The following CNTNAP4 variants were observed in gnomAD, a reference collection of about 807,000 sequenced individuals.
The protein encoded by CNTNAP4 is contactin associated protein family member 4.
In CNTNAP4, 98 loss-of-function variants were observed where a neutral mutation model predicts 148.4. That is an observed-to-expected ratio of 0.66 (90% CI 0.56 to 0.78). CNTNAP4 has a LOEUF of 0.78. Ranked by LOEUF, CNTNAP4 falls within the 30% of genes least tolerant of loss-of-function variation. CNTNAP4 has a pLI of 0.00. For synonymous variants in CNTNAP4, 730 were observed against 565.1 expected (o/e 1.29, Z -4.14); for missense variants, 1,935 against 1,565.6 (o/e 1.24, Z -3.98).
chr16:76,381,126 A>C (rs1393294340), intron 3 of CNTNAP4, among the ~76,000 whole-genome samples: 1 of 152,182 alleles, frequency 6.6e-6, no homozygotes, highest in African/African-American at 2.4e-5. Context: ...CTTTCACACT[A>C]TCTTCCTCTA....
At chr16:76,310,181 T>G (rs1960948392) in intron 1 of CNTNAP4, among the ~76,000 whole-genome samples, 2 of 152,062 alleles carry the variant, frequency 1.3e-5, no homozygotes, top group Non-Finnish European at 2.9e-5. Context: ...CAGAGGTACA[T>G]CAGGTACTGG....
intron 10 of CNTNAP4, among the ~76,000 whole-genome samples, chr16:76,469,944 C>G (rs148387273): frequency 4.1e-4 from 63 of 152,136 alleles, no homozygotes; most frequent in African/African-American, 1.5e-3. Flanking sequence ...ATATACTATA[C>G]CTACTGACAT....
intron 2 of CNTNAP4, among the ~76,000 whole-genome samples, chr16:76,335,342 A>G (rs981957852): frequency 6.6e-6 from 1 of 152,176 alleles, no homozygotes; most frequent in Admixed American, 6.5e-5. Flanking sequence ...CACCTAGCTC[A>G]GACAGGCATG....
intron 3 of CNTNAP4, among the ~76,000 whole-genome samples, chr16:76,369,669 C>T (rs1318978165): frequency 1.3e-5 from 2 of 152,188 alleles, no homozygotes; most frequent in Non-Finnish European, 1.5e-5. Flanking sequence ...TAGTGAAACT[C>T]CATCTCTACA....
chr16:76,315,723 CA>C (rs1199673262), intron 1 of CNTNAP4, among the ~76,000 whole-genome samples: 1 of 151,958 alleles, frequency 6.6e-6, no homozygotes, highest in East Asian at 1.9e-4. Flanking sequence ...GCCTCCCTAG[CA>C]GCTGAGACTA....
Position 76,410,615 on chromosome 16 carries a change from T to C in CNTNAP4, c.391-16837T>C, listed in dbSNP as rs189788011. ...CCCAAATGACAGATGAGTTTGTCTT[T>C]GTGAAGAATAGGTTAAGCCCTGATT... On this transcript the variant is annotated intron_variant, in intron 3 of 23. Transcript: ENST00000611870. Among the ~76,000 whole-genome samples the C allele has an allele frequency of 5.7e-3, 862 of 151,884 alleles. 30 individuals carry two copies. Among genetic ancestry groups the C allele is most frequent in the Admixed American group, 0.048 (725 of 15,188 alleles).
chr16:76,279,432 C>A (rs1412593870), intron 1 of CNTNAP4, among the ~76,000 whole-genome samples: 1 of 152,140 alleles, frequency 6.6e-6, no homozygotes, highest in Non-Finnish European at 1.5e-5. Context: ...AAATAGCTTT[C>A]TTTTGCCATA....
intron 15 of CNTNAP4, among the ~76,000 whole-genome samples, chr16:76,512,561 A>C (rs2083069878): frequency 6.6e-6 from 1 of 152,210 alleles, no homozygotes; most frequent in Non-Finnish European, 1.5e-5. Flanking sequence ...TGCTGGGGTC[A>C]GAGTTGTAGA....
At chr16:76,520,488 CTT>C (rs772321768) in intron 15 of CNTNAP4, among the ~76,000 whole-genome samples, 18 of 152,064 alleles carry the variant, frequency 1.2e-4, no homozygotes, top group Admixed American at 5.2e-4. Context: ...TTTGAGAACA[CTT>C]TTAATTTGCT....
At chr16:76,324,523 A>G (rs1962761947) in intron 2 of CNTNAP4, among the ~76,000 whole-genome samples, 1 of 152,188 alleles carries the variant, frequency 6.6e-6, no homozygotes, top group African/African-American at 2.4e-5. Flanking sequence ...AGAAGAAACC[A>G]AATAATTTCA....
At chr16:76,508,898 A>G (rs564334491) in intron 15 of CNTNAP4, among the ~76,000 whole-genome samples, 989 of 93,728 alleles carry the variant, frequency 0.011, 139 homozygotes, top group African/African-American at 0.025. Context: ...GACTACAGGC[A>G]ACCACCACCA....
chr16:76,326,623 A>C (rs1444041017), intron 2 of CNTNAP4, among the ~76,000 whole-genome samples: 1 of 152,198 alleles, frequency 6.6e-6, no homozygotes, highest in African/African-American at 2.4e-5. Context: ...CAGCCATAAA[A>C]AATGATGAGT....
Position 76,560,517 on chromosome 16 carries a change from C to G in CNTNAP4, c.*1834C>G, listed in dbSNP as rs964826301. Among the ~76,000 whole-genome samples the G allele has an allele frequency of 1.3e-5, 2 of 152,140 alleles. No individual in the cohort carries two copies. The highest frequency in any genetic ancestry group is 1.3e-4 in the Admixed American group (2 of 15,282). On this transcript the variant is annotated 3_prime_UTR_variant, in exon 24 of 24. Transcript: ENST00000611870. ...TATTCGATGCAAAGCTGAGTGCAAA[C>G]ATCATTATATCTCTGAATCTTTTGC... is the stretch of plus-strand genomic sequence containing the variant.
rs1407636822 is a variant in CNTNAP4, at chr16:76,510,085, T to C, written c.2366-11055T>C. 4.8e-5 allele frequency among the ~76,000 whole-genome samples: 2 copies of C among 41,302 alleles called. 1 individual carries two copies. The highest frequency in any genetic ancestry group is 3.2e-4 in the Non-Finnish European group (2 of 6,334). 27.1% of individuals were successfully genotyped at this position (41,302 alleles called of 152,430 possible). ...TTGAGCAACCATCACCATAATCATT[T>C]TGAGGACATTTTTATCACCCCCAAA... On this transcript the variant is annotated intron_variant, in intron 15 of 23. Coordinates refer to ENST00000611870, the MANE Select transcript of CNTNAP4 (RefSeq NM_033401.5).
intron 1 of CNTNAP4, among the ~76,000 whole-genome samples, chr16:76,296,815 A>G (rs1959354548): frequency 6.6e-6 from 1 of 152,182 alleles, no homozygotes; most frequent in Admixed American, 6.6e-5. Context: ...TTGATACCCC[A>G]AGCATTGAGA....
chr16:76,441,096 G>C (rs1357167461), intron 4 of CNTNAP4, among the ~76,000 whole-genome samples: 1 of 152,106 alleles, frequency 6.6e-6, no homozygotes, highest in Non-Finnish European at 1.5e-5. Context: ...TCTCCTGCAT[G>C]TCTTAGAAAT....
chr16:76,550,610 A>G (rs1330700857), intron 21 of CNTNAP4, among the ~76,000 whole-genome samples: 2 of 151,856 alleles, frequency 1.3e-5, no homozygotes, highest in Non-Finnish European at 2.9e-5. Flanking sequence ...CACTCTCCCA[A>G]TTATGCTCCT....
intron 3 of CNTNAP4, among the ~76,000 whole-genome samples, chr16:76,370,848 C>G (rs148935082): frequency 1.3e-5 from 2 of 152,186 alleles, no homozygotes; most frequent in East Asian, 1.9e-4. Context: ...TATTTTGATA[C>G]TGAGGAAATT....
intron 3 of CNTNAP4, among the ~76,000 whole-genome samples, chr16:76,389,908 T>G (rs2016827638): frequency 6.6e-6 from 1 of 152,164 alleles, no homozygotes; most frequent in Admixed American, 6.5e-5. Context: ...GACAAGAATT[T>G]GAGTGCAAGT....
Sources: gnomAD v4.1 joint callset for allele counts (sites outside exome capture counted in the v4.1 genomes callset) on GRCh38, gnomAD v4.1.1 for gene constraint, MANE v1.5 for transcripts, NCBI Gene and HGNC (gene_info 2026-07-23, HGNC 2026-07-21) for gene names.